The following STXBP6 variants were observed in gnomAD, a reference collection of about 807,000 sequenced individuals.
STXBP6 encodes the protein syntaxin-binding protein 6.
In STXBP6, 21 loss-of-function variants were observed where a neutral mutation model predicts 26.9. That is an observed-to-expected ratio of 0.78 (90% CI 0.55 to 1.12). The LOEUF is 1.12. STXBP6 is among the 50% of genes most tolerant of loss of function. The probability of loss-of-function intolerance (pLI) is 0.00; values close to 1 mark genes in which losing one functional copy is unlikely to be tolerated. For missense variants in STXBP6, 232 were observed against 257.9 expected (o/e 0.90, Z 0.69); for synonymous variants, 97 against 92.6 (o/e 1.05, Z -0.27).
intron 2 of STXBP6, among the ~76,000 whole-genome samples, chr14:24,876,615 C>T (rs770790463): frequency 3.2e-4 from 48 of 152,144 alleles, no homozygotes; most frequent in Admixed American, 8.5e-4. Flanking sequence ...ACTGTGGAAA[C>T]GATGTTCCTG....
intron 4 of STXBP6, among the ~76,000 whole-genome samples, chr14:24,834,580 TG>T (rs969392977): frequency 6.6e-6 from 1 of 152,208 alleles, no homozygotes; most frequent in Non-Finnish European, 1.5e-5. Context: ...CTAATGCTCC[TG>T]GGAACTTACA....
chr14:25,005,736 A>G (rs1438554840), intron 1 of STXBP6, among the ~76,000 whole-genome samples: 1 of 152,162 alleles, frequency 6.6e-6, no homozygotes, highest in Non-Finnish European at 1.5e-5. Context: ...GGAAGTGATG[A>G]AAAAATAAAA....
At chr14:24,966,701 T>A (rs1369728555) in intron 2 of STXBP6, among the ~76,000 whole-genome samples, 1 of 152,200 alleles carries the variant, frequency 6.6e-6, no homozygotes, top group Non-Finnish European at 1.5e-5. Flanking sequence ...TCTAAAAAAA[T>A]TTCAGGCATC....
intron 4 of STXBP6, among the ~76,000 whole-genome samples, chr14:24,837,757 G>T (rs1566396673): frequency 1.3e-5 from 2 of 152,170 alleles, no homozygotes; most frequent in Admixed American, 6.5e-5. Context: ...AATTAAAAGG[G>T]TCTAAGATAC....
At position 24,948,674 on chromosome 14, in the gene STXBP6, G is replaced by A. The variant is rs115696873; in HGVS notation, c.154+25991C>T. On this transcript the variant is annotated intron_variant, in intron 2 of 5. Coordinates refer to ENST00000323944, the MANE Select transcript of STXBP6 (RefSeq NM_001394410.1). ...TTCTTTTGTTGCTATCTCAGCAGGG[G>A]TTCTCCTGGATTAACCAGAGACCGC... Among the ~76,000 whole-genome samples, 236 of 152,246 alleles carry A rather than the reference G, an allele frequency of 1.6e-3. 2 individuals carry two copies. Among genetic ancestry groups the A allele is most frequent in the African/African-American group, 5.5e-3 (228 of 41,556 alleles).
chr14:24,934,810 A>T (rs1718746696), intron 2 of STXBP6, among the ~76,000 whole-genome samples: 1 of 152,176 alleles, frequency 6.6e-6, no homozygotes, highest in Non-Finnish European at 1.5e-5. Flanking sequence ...CACTCTCTAA[A>T]ACAAAATTCC....
chr14:24,955,111 T>C (rs2073297224), intron 2 of STXBP6, among the ~76,000 whole-genome samples: 1 of 152,218 alleles, frequency 6.6e-6, no homozygotes, highest in African/African-American at 2.4e-5. Flanking sequence ...ATCTTTATTG[T>C]TGTTCCCATC....
chr14:24,852,032 T>C (rs1385682299), intron 4 of STXBP6, among the ~76,000 whole-genome samples: 1 of 152,142 alleles, frequency 6.6e-6, no homozygotes, highest in East Asian at 1.9e-4. Context: ...GATTATAGCT[T>C]AACTCTCTTC....
chr14:24,991,322 A>G (rs2074470094), intron 1 of STXBP6, among the ~76,000 whole-genome samples: 1 of 152,248 alleles, frequency 6.6e-6, no homozygotes, highest in Non-Finnish European at 1.5e-5. Context: ...TGCAACCAAA[A>G]GAACCAACAA....
chr14:24,852,981 A>G (rs970130369), intron 4 of STXBP6, among the ~76,000 whole-genome samples: 1 of 152,144 alleles, frequency 6.6e-6, no homozygotes, highest in Non-Finnish European at 1.5e-5. Flanking sequence ...TCTCTATAAA[A>G]TGGAGTTGAT....
chr14:24,928,693 A>C (rs2072272079), intron 2 of STXBP6, among the ~76,000 whole-genome samples: 1 of 152,176 alleles, frequency 6.6e-6, no homozygotes, highest in African/African-American at 2.4e-5. Context: ...ACATGCAATC[A>C]CCAGCTCAAA....
chr14:25,000,967 G>A (rs1017816473), intron 1 of STXBP6, among the ~76,000 whole-genome samples: 1 of 151,970 alleles, frequency 6.6e-6, no homozygotes. Context: ...CATTTGGAAG[G>A]CTCCTGCTTG....
rs534292013 is a variant in STXBP6 at position 24,859,925 on chromosome 14, C to T, written c.155-2768G>A. Among the ~76,000 whole-genome samples the T allele has an allele frequency of 3.3e-5, 5 of 152,302 alleles. No individual in the cohort carries two copies. The South Asian group carries it at 1.0e-3, about 32-fold the overall frequency. On this transcript the variant is annotated intron_variant, in intron 2 of 5. Coordinates refer to ENST00000323944, the MANE Select transcript of STXBP6 (RefSeq NM_001394410.1). ...AGGCAGGCAGAAGCATGGGGGCAAC[C>T]CAATTCAGGCCGCTTTGCTATTAGC... is the stretch of plus-strand genomic sequence containing the variant.
At chr14:25,042,210 G>C (rs149929334) in intron 1 of STXBP6, among the ~76,000 whole-genome samples, 1 of 152,286 alleles carries the variant, frequency 6.6e-6, no homozygotes, top group African/African-American at 2.4e-5. Context: ...AACCTATGAG[G>C]ATGTAATTCC....
chr14:24,867,921 G>A (rs900655971), intron 2 of STXBP6, among the ~76,000 whole-genome samples: 4 of 152,188 alleles, frequency 2.6e-5, no homozygotes, highest in African/African-American at 9.6e-5. Flanking sequence ...TATCTGCCGG[G>A]CATAGTTGTT....
intron 4 of STXBP6, among the ~76,000 whole-genome samples, chr14:24,828,274 G>A (rs143394561): frequency 6.6e-6 from 1 of 152,140 alleles, no homozygotes; most frequent in East Asian, 1.9e-4. Context: ...GGAGATCACT[G>A]GGCAAGATCA....
intron 2 of STXBP6, among the ~76,000 whole-genome samples, chr14:24,922,526 C>T (rs2072018389): frequency 6.6e-6 from 1 of 152,104 alleles, no homozygotes. Flanking sequence ...TTTCCCCTTA[C>T]TAAATCTTAG....
intron 1 of STXBP6, among the ~76,000 whole-genome samples, chr14:25,044,834 A>G (rs2075700842): frequency 1.3e-5 from 2 of 152,210 alleles, no homozygotes; most frequent in African/African-American, 4.8e-5. Context: ...AATTATTTAT[A>G]TGCAGGCACA....
chr14:24,943,105 C>A (rs778964705), intron 2 of STXBP6, among the ~76,000 whole-genome samples: 2 of 152,104 alleles, frequency 1.3e-5, no homozygotes, highest in Non-Finnish European at 2.9e-5. Context: ...TTAACAGAAC[C>A]CTGATTCTGG....
Sources: allele counts gnomAD v4.1 joint callset (sites outside exome capture counted in the v4.1 genomes callset), GRCh38; gene constraint gnomAD v4.1.1; transcripts MANE v1.5; gene names NCBI Gene and HGNC (gene_info 2026-07-23, HGNC 2026-07-21).